ASIC2: variants seen among roughly 807,000 people sequenced by gnomAD.
ASIC2 encodes acid-sensing ion channel 2.
ASIC2 carries 25 observed loss-of-function variants against 57.3 expected under a neutral mutation model. That is an observed-to-expected ratio of 0.44 (90% CI 0.32 to 0.61). The LOEUF (loss-of-function observed/expected upper bound fraction) is 0.61, where lower values mean the gene tolerates loss of function less well. ASIC2 is among the 20% of genes least tolerant of loss of function. The probability of loss-of-function intolerance (pLI) is 0.06; values close to 1 mark genes in which losing one functional copy is unlikely to be tolerated. For synonymous variants in ASIC2, 319 were observed against 307.5 expected, an observed-to-expected ratio of 1.04 and a Z score of -0.39; for missense variants, 641 against 738.1, an observed-to-expected ratio of 0.87 and a Z score of 1.52.
intron 1 of ASIC2, among the ~76,000 whole-genome samples, chr17:33,391,037 A>G (rs1374100728): frequency 1.3e-5 from 2 of 152,198 alleles, no homozygotes; most frequent in African/African-American, 4.8e-5. Context: ...AGGAAATTGT[A>G]TAGCCTCCAC....
At chr17:33,838,350 G>A (rs985226783) in intron 1 of ASIC2, among the ~76,000 whole-genome samples, 1 of 152,250 alleles carries the variant, frequency 6.6e-6, no homozygotes, top group East Asian at 1.9e-4. Flanking sequence ...TATTGGTCCT[G>A]CTTGAGTGAA....
At chr17:33,072,119 A>G (rs1377747520) in intron 3 of ASIC2, among the ~76,000 whole-genome samples, 1 of 152,024 alleles carries the variant, frequency 6.6e-6, no homozygotes, top group Non-Finnish European at 1.5e-5. Context: ...CTGGACTCAT[A>G]GCTCTGTGTC....
chr17:33,394,897 C>T (rs1409369364), intron 1 of ASIC2, among the ~76,000 whole-genome samples: 1 of 152,038 alleles, frequency 6.6e-6, no homozygotes, highest in Non-Finnish European at 1.5e-5. Flanking sequence ...ACCCATCTGC[C>T]TATCCATCCT....
At chr17:33,961,246 G>A (rs965061891) in intron 1 of ASIC2, among the ~76,000 whole-genome samples, 1 of 152,246 alleles carries the variant, frequency 6.6e-6, no homozygotes, top group African/African-American at 2.4e-5. Context: ...AGAGGAATGT[G>A]CAGCTATTGG....
chr17:33,966,641 A>C (rs1044441952), intron 1 of ASIC2, among the ~76,000 whole-genome samples: 4 of 152,194 alleles, frequency 2.6e-5, no homozygotes, highest in Non-Finnish European at 2.9e-5. Context: ...TTTCATCAAC[A>C]CTGTGGGTCG....
At chr17:33,330,289 G>T (rs1365086224) in intron 1 of ASIC2, among the ~76,000 whole-genome samples, 1 of 152,050 alleles carries the variant, frequency 6.6e-6, no homozygotes, top group Admixed American at 6.6e-5. Context: ...TCTGAAACTA[G>T]ACACCTACAG....
At chr17:33,741,163 C>T (rs2142097989) in intron 1 of ASIC2, among the ~76,000 whole-genome samples, 1 of 152,234 alleles carries the variant, frequency 6.6e-6, no homozygotes, top group African/African-American at 2.4e-5. Flanking sequence ...GTCTTCAGAC[C>T]CTTAAGTTGC....
chr17:34,032,961 A>G (rs1044027517), intron 1 of ASIC2, among the ~76,000 whole-genome samples: 1 of 152,240 alleles, frequency 6.6e-6, no homozygotes, highest in African/African-American at 2.4e-5. Flanking sequence ...TAAACAAGAC[A>G]GAAAGTTAAC....
intron 1 of ASIC2, among the ~76,000 whole-genome samples, chr17:33,603,700 A>G (rs188024786): frequency 1.3e-5 from 2 of 152,318 alleles, no homozygotes; most frequent in Admixed American, 1.3e-4. Flanking sequence ...ACCCATCTAT[A>G]TGAGTTACAT....
intron 1 of ASIC2, among the ~76,000 whole-genome samples, chr17:33,258,415 A>G (rs1361843478): frequency 6.6e-6 from 1 of 152,200 alleles, no homozygotes; most frequent in Non-Finnish European, 1.5e-5. Flanking sequence ...AGGGACAGAG[A>G]AGGAGGATGG....
chr17:33,470,856 C>T (rs1052984546), intron 1 of ASIC2, among the ~76,000 whole-genome samples: 2 of 141,530 alleles, frequency 1.4e-5, no homozygotes, highest in Non-Finnish European at 1.6e-5. Flanking sequence ...ACTCTACTTC[C>T]CCTGTGGGCC....
intron 1 of ASIC2, among the ~76,000 whole-genome samples, chr17:33,852,661 C>T (rs1380254575): frequency 6.6e-6 from 1 of 151,582 alleles, no homozygotes; most frequent in Non-Finnish European, 1.5e-5. Context: ...ATTGCAAAGC[C>T]ATCTTTCTTT....
chr17:33,846,829 T>A (rs12939849), intron 1 of ASIC2, among the ~76,000 whole-genome samples: 3,822 of 151,800 alleles, frequency 0.025, 182 homozygotes, highest in African/African-American at 0.088. Context: ...GGTTCACGCC[T>A]TTCTCCTGCC....
At chr17:33,792,336 G>T (rs943861618) in intron 1 of ASIC2, 2 of 152,166 alleles carry the variant, frequency 1.3e-5, no homozygotes, top group Non-Finnish European at 1.5e-5. Context: ...AAGGGTGATA[G>T]TCCCCCATTC....
intron 1 of ASIC2, among the ~76,000 whole-genome samples, chr17:33,549,626 T>C (rs1915685404): frequency 6.6e-6 from 1 of 152,198 alleles, no homozygotes; most frequent in Non-Finnish European, 1.5e-5. Context: ...TGAGTGGGCA[T>C]GCTTGTTTTT....
chr17:33,858,265 A>T (rs1195291571), intron 1 of ASIC2, among the ~76,000 whole-genome samples: 1 of 152,124 alleles, frequency 6.6e-6, no homozygotes, highest in Non-Finnish European at 1.5e-5. Flanking sequence ...GGGAGGTAAA[A>T]CAAACCTCAC....
intron 1 of ASIC2, among the ~76,000 whole-genome samples, chr17:33,662,622 CA>C (rs772004205): frequency 9.2e-6 from 1 of 108,216 alleles, no homozygotes; most frequent in Non-Finnish European, 1.8e-5. Context: ...GACTCTGTCT[CA>C]AAAATAAATA....
chr17:33,153,677 G>T (rs1904886421), intron 1 of ASIC2, among the ~76,000 whole-genome samples: 1 of 152,170 alleles, frequency 6.6e-6, no homozygotes, highest in African/African-American at 2.4e-5. Context: ...GAACACTGAT[G>T]TCTCATCCCA....
intron 1 of ASIC2, among the ~76,000 whole-genome samples, chr17:33,582,750 C>G (rs1205330907): frequency 6.6e-6 from 1 of 151,958 alleles, no homozygotes; most frequent in Non-Finnish European, 1.5e-5. Context: ...GTCTCCACAC[C>G]CCACCCCCTC....
Sources: gnomAD v4.1 joint callset for allele counts (sites outside exome capture counted in the v4.1 genomes callset) on GRCh38, gnomAD v4.1.1 for gene constraint, MANE v1.5 for transcripts, NCBI Gene and HGNC (gene_info 2026-07-23, HGNC 2026-07-21) for gene names.